The following NFILZ variants were observed in gnomAD, a reference collection of about 807,000 sequenced individuals.
The protein encoded by NFILZ is NFIL3 like protein.
chr19:8,649,473 G>C (rs1386442289), intron 3 of NFILZ, among the ~76,000 whole-genome samples: 6 of 149,604 alleles, frequency 4.0e-5, no homozygotes. Flanking sequence ...TGCCATGTTG[G>C]CCAGGCTGGT....
intron 3 of NFILZ, among the ~76,000 whole-genome samples, chr19:8,652,909 T>TTC (rs797041863): frequency 1.3e-5 from 2 of 148,462 alleles, no homozygotes; most frequent in South Asian, 4.4e-4. Flanking sequence ...CCCTCCCTCC[T>TTC]TCTCTCTCTC....
At chr19:8,653,273 G>C (rs1398607090) in intron 3 of NFILZ, among the ~76,000 whole-genome samples, 3 of 151,910 alleles carry the variant, frequency 2.0e-5, no homozygotes, top group Non-Finnish European at 4.4e-5. Flanking sequence ...TAGAGACAGG[G>C]ATTCGCCATG....
chr19:8,644,772 C>CTTT lies in NFILZ; in HGVS notation c.-164+9036_-164+9038dup, dbSNP rs5827010. ...TAAACCACCATGTCCAGCCAGATGA[C>CTTT]TTTTTTTTTTTTGACTGAGTTTTCG... is the stretch of plus-strand genomic sequence containing the variant. On this transcript the variant is annotated intron_variant, in intron 3 of 5. Transcript: ENST00000691075. 7.4e-3 allele frequency among the ~76,000 whole-genome samples: 1,081 copies of CTTT among 146,816 alleles called. 14 individuals are homozygous for CTTT. Among genetic ancestry groups the CTTT allele is most frequent in the African/African-American group, 0.026 (1,036 of 39,900 alleles).
chr19:8,645,674 G>A (rs1452394573), intron 3 of NFILZ, among the ~76,000 whole-genome samples: 2 of 152,190 alleles, frequency 1.3e-5, no homozygotes, highest in African/African-American at 4.8e-5. Context: ...GCCCTAGAGG[G>A]TGTGGGTAGG....
At chr19:8,669,938 A>G (rs2043079234) in intron 3 of NFILZ, among the ~76,000 whole-genome samples, 1 of 152,170 alleles carries the variant, frequency 6.6e-6, no homozygotes, top group Admixed American at 6.5e-5. Context: ...GTCAGTGTCA[A>G]TTCCTCAAAT....
chr19:8,655,660 G>T (rs1555748258), intron 3 of NFILZ, among the ~76,000 whole-genome samples: 1 of 152,108 alleles, frequency 6.6e-6, no homozygotes, highest in Admixed American at 6.6e-5. Context: ...GGCCCGTTCA[G>T]GGGGCTGGAG....
intron 3 of NFILZ, among the ~76,000 whole-genome samples, chr19:8,642,892 CAT>C (rs1246605185): frequency 1.3e-5 from 2 of 151,232 alleles, no homozygotes; most frequent in Non-Finnish European, 2.9e-5. Flanking sequence ...ATCTGTCACA[CAT>C]GTTTGCTGGC....
intron 3 of NFILZ, among the ~76,000 whole-genome samples, chr19:8,648,492 A>G (rs1428513344): frequency 1.3e-5 from 2 of 151,992 alleles, no homozygotes; most frequent in Non-Finnish European, 2.9e-5. Context: ...TAAAATGGTT[A>G]GTTTTACATT....
rs2043122100 is a variant in NFILZ at position 8,678,075 on chromosome 19, TCAATCCA to T, written c.*441_*447del. ...ATCCACCCATCTATTCATCCATCCA[TCAATCCA>T]TCCATCCATTCCATCCATCCATCCA... On this transcript the variant is annotated 3_prime_UTR_variant, in exon 6 of 6. Transcript: ENST00000691075. Among the ~76,000 whole-genome samples, 2 of 66,532 alleles carry T rather than the reference TCAATCCA, an allele frequency of 3.0e-5. No homozygotes were observed. The highest frequency in any genetic ancestry group is 6.4e-5 in the Non-Finnish European group (2 of 31,496). 43.6% of individuals were successfully genotyped at this position (66,532 alleles called of 152,430 possible). A position where few individuals can be genotyped will look rare whatever the true frequency, so the allele number is the denominator to read the frequency against.
intron 3 of NFILZ, among the ~76,000 whole-genome samples, chr19:8,663,736 G>GTGTGTGTGTGTGTCTGTGTGTGTA (rs1600151874): frequency 7.4e-6 from 1 of 136,036 alleles, no homozygotes; most frequent in Non-Finnish European, 1.6e-5. Context: ...GTGTGTGTGT[G>GTGTGTGTGTGTGTCTGTGTGTGTA]TGTGTGTGTG....
intron 3 of NFILZ, among the ~76,000 whole-genome samples, chr19:8,640,684 A>T (rs1294908289): frequency 6.6e-6 from 1 of 152,194 alleles, no homozygotes; most frequent in Non-Finnish European, 1.5e-5. Flanking sequence ...GACTTCTGGA[A>T]AATTAGGCAA....
intron 3 of NFILZ, among the ~76,000 whole-genome samples, chr19:8,669,260 C>A (rs2043076379): frequency 6.6e-6 from 1 of 152,014 alleles, no homozygotes; most frequent in African/African-American, 2.4e-5. Flanking sequence ...AGGATTCTAA[C>A]AACAATAAAT....
chr19:8,650,858 G>T (rs981539344), intron 3 of NFILZ, among the ~76,000 whole-genome samples: 2 of 151,870 alleles, frequency 1.3e-5, no homozygotes, highest in African/African-American at 4.8e-5. Flanking sequence ...TCAACTTAGC[G>T]CATTTTCATC....
At chr19:8,661,477 T>G (rs981677699) in intron 3 of NFILZ, among the ~76,000 whole-genome samples, 9 of 152,170 alleles carry the variant, frequency 5.9e-5, no homozygotes, top group African/African-American at 2.2e-4. Context: ...TCATACTGAT[T>G]TCAATAAGTG....
rs2043000754 is a variant in NFILZ at position 8,656,442 on chromosome 19, C to CT, written c.-163-18109_-163-18108insT. Among the ~76,000 whole-genome samples the CT allele has an allele frequency of 9.7e-4, 81 of 83,228 alleles. 2 individuals carry two copies. Among genetic ancestry groups the CT allele is most frequent in the Middle Eastern group, 7.5e-3 (1 of 134 alleles). 54.6% of individuals were successfully genotyped at this position (83,228 alleles called of 152,430 possible). A position where few individuals can be genotyped will look rare whatever the true frequency, so the allele number is the denominator to read the frequency against. On this transcript the variant is annotated intron_variant, in intron 3 of 5. Coordinates refer to ENST00000691075, the MANE Select transcript of NFILZ (RefSeq NM_001378600.1). ...CACCTCTTTCCGCAGCCCACCTTCT[C>CT]CTCGAAGCCCACCTTCTCTCTGAAG...
chr19:8,633,881 T>C (rs550920215), intron 2 of NFILZ, among the ~76,000 whole-genome samples: 6 of 28,360 alleles, frequency 2.1e-4, no homozygotes, highest in South Asian at 4.9e-3. Context: ...TTTTCTCCCT[T>C]CCTTCCTTCC....
At chr19:8,670,105 CTTTT>C (rs558726484) in intron 3 of NFILZ, among the ~76,000 whole-genome samples, 1 of 142,704 alleles carries the variant, frequency 7.0e-6, no homozygotes, top group African/African-American at 2.6e-5. Flanking sequence ...TGACAGGTGA[CTTTT>C]TTTTTTTTTT....
intron 3 of NFILZ, among the ~76,000 whole-genome samples, chr19:8,669,242 G>T (rs1488372989): frequency 6.6e-6 from 1 of 152,176 alleles, no homozygotes; most frequent in African/African-American, 2.4e-5. Flanking sequence ...ACCAAGCCTG[G>T]CCAAGAGAGG....
chr19:8,641,118 C>T (rs1043645077), intron 3 of NFILZ, among the ~76,000 whole-genome samples: 4 of 152,182 alleles, frequency 2.6e-5, no homozygotes, highest in Middle Eastern at 3.2e-3. Context: ...TTCTTTCTCA[C>T]GGCTCACCAC....
Sources: gnomAD v4.1 joint callset for allele counts (sites outside exome capture counted in the v4.1 genomes callset) on GRCh38, gnomAD v4.1.1 for gene constraint, MANE v1.5 for transcripts, NCBI Gene and HGNC (gene_info 2026-07-23, HGNC 2026-07-21) for gene names.